The following EPG5 variants were observed in gnomAD, a reference collection of about 807,000 sequenced individuals.
EPG5 encodes the protein ectopic P-granules 5 autophagy tethering factor.
Under a neutral mutation model 302.7 loss-of-function variants are expected in EPG5, and 159 were observed. That is an observed-to-expected ratio of 0.53 (90% CI 0.46 to 0.60). The LOEUF (loss-of-function observed/expected upper bound fraction) is 0.60, where lower values mean the gene tolerates loss of function less well. Among genes scored for constraint, EPG5 ranks in the 20% least tolerant of loss-of-function variants. EPG5 has a pLI of 0.00. For synonymous variants in EPG5, 1,158 were observed against 1,136.8 expected (o/e 1.02, Z -0.37); for missense variants, 2,896 against 3,092.4 (o/e 0.94, Z 1.51).
chr18:45,840,166 C>A, the EPG5 span: 1 of 1,609,492 alleles, frequency 6.2e-7, no homozygotes. Context: ...AGGCTGCAGA[C>A]TGCGGTGGAG....
intron 39 of EPG5, 58 bp from the exon 40 acceptor site, chr18:45,860,404 T>A: frequency 1.2e-6 from 2 of 1,607,350 alleles, no homozygotes; most frequent in South Asian, 2.2e-5. Context: ...ATCCATGTGA[T>A]CAGGAGAATA....
At chr18:45,829,607 C>T in the EPG5 span, among the ~76,000 whole-genome samples, 60 of 152,222 alleles carry the variant, frequency 3.9e-4, no homozygotes, top group Non-Finnish European at 6.9e-4. Context: ...GTCACAATGC[C>T]GGAAGTGCCA....
the EPG5 span, chr18:45,825,436 G>A: frequency 2.0e-6 from 1 of 509,436 alleles, no homozygotes; most frequent in Non-Finnish European, 3.5e-6. Flanking sequence ...ACAGGAAATG[G>A]CCCTGTTTCT....
rs1266171640 is a variant in EPG5 at position 45,899,471 on chromosome 18, G to T, written c.4742C>A (p.Thr1581Lys). Residue 1581 changes from threonine to lysine, a missense_variant, in exon 27 of 44, where the codon ACA (threonine) becomes AAA (lysine). Coordinates refer to ENST00000282041, the MANE Select transcript of EPG5 (RefSeq NM_020964.3). ...GCTGCCTCTGCACTCCAAATGTAGT[G>T]TGGTCTGTTCTTCACGATTCACATA... ...KQYVNREEQT[T>K]LHLECRGSSG... 6.2e-7 allele frequency: 1 copy of T among 1,614,200 alleles called. No individual in the cohort carries two copies. Among genetic ancestry groups the T allele is most frequent in the Admixed American group, 1.7e-5 (1 of 60,026 alleles).
chr18:45,920,253 A>G (rs930252503), intron 16 of EPG5, among the ~76,000 whole-genome samples: 1 of 152,178 alleles, frequency 6.6e-6, no homozygotes, highest in African/African-American at 2.4e-5. Flanking sequence ...CATAGAGCAA[A>G]CAGTCAATGA....
intron 27 of EPG5, among the ~76,000 whole-genome samples, chr18:45,895,668 A>G (rs1462234151): frequency 2.0e-5 from 3 of 152,240 alleles, no homozygotes; most frequent in East Asian, 1.9e-4. Flanking sequence ...GTGACTACAT[A>G]AAGTTCAATA....
chr18:45,890,902 G>A (rs1407005453), intron 27 of EPG5, among the ~76,000 whole-genome samples: 1 of 152,124 alleles, frequency 6.6e-6, no homozygotes, highest in Non-Finnish European at 1.5e-5. Flanking sequence ...GAGCCCTCTT[G>A]GAGAGGCTTT....
intron 32 of EPG5, 70 bp from the exon 33 acceptor site, chr18:45,879,284 G>T: frequency 9.1e-7 from 1 of 1,095,482 alleles, no homozygotes; most frequent in Non-Finnish European, 1.3e-6. Flanking sequence ...GATACACTGT[G>T]ATGGGGGTGT....
At chr18:45,923,219 C>T in intron 15 of EPG5, 49 bp downstream of exon 15, 1 of 1,597,746 alleles carries the variant, frequency 6.3e-7, no homozygotes, top group Non-Finnish European at 8.5e-7. Flanking sequence ...TTCTAAATGT[C>T]TTGGGAAGAT....
At chr18:45,820,376 C>G in the EPG5 span, among the ~76,000 whole-genome samples, 1 of 152,184 alleles carries the variant, frequency 6.6e-6, no homozygotes, top group African/African-American at 2.4e-5. Context: ...AGCCTCTAGG[C>G]AGAAACCTGA....
chr18:45,925,849 T>C lies in EPG5; in HGVS notation c.2607A>G (p.Ala869=). The change falls in exon 14 of 44, where the codon GCA becomes GCG. Residue 869 remains alanine, a synonymous_variant. Coordinates refer to ENST00000282041, the MANE Select transcript of EPG5 (RefSeq NM_020964.3). The part of the protein sequence containing the change: ...ELPLYLWQPS[A]SEIAVIRDWL... ...AATCCCGAATCACCGCTATCTCAGA[T>C]GCAGAAGGTTGCCAAAGATACAAAG... is the stretch of plus-strand genomic sequence containing the variant. 1 of 1,569,714 alleles carries C rather than the reference T, an allele frequency of 6.4e-7. No individual in the cohort carries two copies. Among genetic ancestry groups the C allele is most frequent in the Non-Finnish European group, 8.6e-7 (1 of 1,161,550 alleles).
the EPG5 span, among the ~76,000 whole-genome samples, chr18:45,839,584 C>T: frequency 6.6e-6 from 1 of 152,192 alleles, no homozygotes. Context: ...CTCCTCAACC[C>T]TACCTCTGCA....
the EPG5 span, among the ~76,000 whole-genome samples, chr18:45,813,805 C>T: frequency 2.6e-5 from 4 of 151,828 alleles, no homozygotes; most frequent in African/African-American, 9.7e-5. Context: ...AGGAGATATA[C>T]CTAATATAAA....
At chr18:45,880,344 T>A in intron 31 of EPG5, 121 bp from the exon 32 acceptor site, 1 of 963,874 alleles carries the variant, frequency 1.0e-6, no homozygotes, top group Non-Finnish European at 1.4e-6. Context: ...CAAAACAAAC[T>A]CACAGGGATA....
In EPG5 at chr18:45,900,996, C is replaced by T; in HGVS notation, c.4646G>A (p.Arg1549Lys). 1 of 1,612,400 alleles carries T rather than the reference C, an allele frequency of 6.2e-7. No individual in the cohort carries two copies. The highest frequency in any genetic ancestry group is 8.5e-7 in the Non-Finnish European group (1 of 1,178,772). ...TDLNLLQQQA[R>K]TAALRESQQV... is the part of the protein sequence containing the mutation. ...GATCCGTGAGGCTGCATGGTCTTAC[C>T]TGGCCTGCTGTTGCAACAGATTCAG... The change falls in exon 26 of 44, where the codon AGA becomes AAA. Residue 1549 changes from arginine (R) to lysine (K), a missense_variant and splice_region_variant. By Grantham distance (26) the Arg-to-Lys change is conservative (BLOSUM62 2). This residue lies in a region of EPG5 where 790 missense variants were observed against 798.0 expected (regional missense o/e 0.99). Transcript: ENST00000282041.
the EPG5 span, chr18:45,838,387 GC>G: frequency 2.3e-6 from 1 of 441,176 alleles, no homozygotes; most frequent in Non-Finnish European, 4.0e-6. Context: ...CTCCACTCTA[GC>G]CCCCACCCTG....
At chr18:45,878,535 A>G (rs2145387598) in intron 33 of EPG5, 87 bp from the exon 34 acceptor site, 1 of 813,704 alleles carries the variant, frequency 1.2e-6, no homozygotes, top group East Asian at 2.5e-5. Flanking sequence ...TCTACCTCTT[A>G]TTATCTGTAG....
At chr18:45,956,075 G>A (rs1388005947) in intron 1 of EPG5, among the ~76,000 whole-genome samples, 2 of 152,118 alleles carry the variant, frequency 1.3e-5, no homozygotes, top group Non-Finnish European at 1.5e-5. Context: ...TAATAACAAC[G>A]AACAGGAAAA....
chr18:45,841,471 G>C, the EPG5 span, among the ~76,000 whole-genome samples: 1,988 of 151,806 alleles, frequency 0.013, 19 homozygotes, highest in Admixed American at 0.018. Flanking sequence ...GGTTTTAAGC[G>C]GACGCATGGC....
Sources: gnomAD v4.1 joint callset for allele counts (sites outside exome capture counted in the v4.1 genomes callset) on GRCh38, gnomAD v4.1.1 for gene constraint, gnomAD v4.1.1 regional missense constraint, MANE v1.5 for transcripts, NCBI Gene and HGNC (gene_info 2026-07-23, HGNC 2026-07-21) for gene names.